CDH12: variants seen among roughly 807,000 people sequenced by gnomAD.
CDH12 encodes cadherin 12, also known as cadherin-12.
In CDH12, 41 loss-of-function variants were observed where a neutral mutation model predicts 74.1. The ratio of observed to expected loss-of-function variants is 0.55; its 90% confidence interval spans 0.43 to 0.72. The LOEUF is 0.72. Ranked by LOEUF, CDH12 falls within the 30% of genes least tolerant of loss-of-function variation. The pLI is 0.00. For synonymous variants in CDH12, 399 were observed against 355.0 expected, an observed-to-expected ratio of 1.12 and a Z score of -1.39; for missense variants, 945 against 977.2, an observed-to-expected ratio of 0.97 and a Z score of 0.44.
chr5:22,052,869 A>T (rs1333037100), intron 5 of CDH12, among the ~76,000 whole-genome samples: 1 of 152,104 alleles, frequency 6.6e-6, no homozygotes, highest in Non-Finnish European at 1.5e-5. Flanking sequence ...TTCCAAGAGG[A>T]TTTTCAGAGC....
chr5:22,657,898 A>C (rs1218009930), intron 1 of CDH12, among the ~76,000 whole-genome samples: 1 of 152,206 alleles, frequency 6.6e-6, no homozygotes, highest in Non-Finnish European at 1.5e-5. Flanking sequence ...TCTATTTAAA[A>C]GAGAGGACAT....
chr5:22,678,856 A>G (rs548473089), intron 1 of CDH12, among the ~76,000 whole-genome samples: 2 of 152,090 alleles, frequency 1.3e-5, no homozygotes, highest in Non-Finnish European at 2.9e-5. Context: ...TTGATTCTTA[A>G]TCACTTTGAA....
intron 5 of CDH12, among the ~76,000 whole-genome samples, chr5:22,035,766 T>G: frequency 6.7e-6 from 1 of 149,356 alleles, no homozygotes; most frequent in Admixed American, 6.7e-5. Context: ...CAGAGGAAGG[T>G]TTCCAAAATC....
At chr5:22,494,360 A>G (rs1747014830) in intron 2 of CDH12, among the ~76,000 whole-genome samples, 1 of 152,142 alleles carries the variant, frequency 6.6e-6, no homozygotes, top group Non-Finnish European at 1.5e-5. Flanking sequence ...CTACAATGGA[A>G]CAGTGCCCTG....
At chr5:22,305,446 G>A (rs928348470) in intron 3 of CDH12, among the ~76,000 whole-genome samples, 3 of 152,160 alleles carry the variant, frequency 2.0e-5, no homozygotes, top group African/African-American at 7.2e-5. Context: ...TAAAAGAAGA[G>A]AAAGAAACAA....
At chr5:22,372,389 C>T (rs1200453816) in intron 3 of CDH12, among the ~76,000 whole-genome samples, 2 of 152,078 alleles carry the variant, frequency 1.3e-5, no homozygotes. Flanking sequence ...GAGGGACCCC[C>T]GTGCTCCACA....
chr5:22,741,809 G>A (rs552627508), intron 1 of CDH12, among the ~76,000 whole-genome samples: 1 of 152,270 alleles, frequency 6.6e-6, no homozygotes, highest in South Asian at 2.1e-4. Flanking sequence ...CATTTGGGTT[G>A]GAATAGATAC....
At chr5:22,009,640 T>C (rs1284078651) in intron 5 of CDH12, among the ~76,000 whole-genome samples, 1 of 152,172 alleles carries the variant, frequency 6.6e-6, no homozygotes, top group African/African-American at 2.4e-5. Context: ...AAATAAATCA[T>C]TAATTTTGAC....
At chr5:22,105,553 C>T (rs537695254) in intron 4 of CDH12, among the ~76,000 whole-genome samples, 3 of 151,534 alleles carry the variant, frequency 2.0e-5, no homozygotes, top group South Asian at 4.2e-4. Context: ...CAAAACTTAG[C>T]CAGGTGTGGT....
intron 1 of CDH12, among the ~76,000 whole-genome samples, chr5:22,548,962 C>T (rs1738447190): frequency 6.6e-6 from 1 of 151,790 alleles, no homozygotes; most frequent in Non-Finnish European, 1.5e-5. Context: ...TTTTAAGTGA[C>T]AGGGTCTCGC....
chr5:21,817,913 C>T (rs986969589), intron 8 of CDH12, among the ~76,000 whole-genome samples: 5 of 151,794 alleles, frequency 3.3e-5, no homozygotes, highest in Non-Finnish European at 7.4e-5. Context: ...TTAGATAAAA[C>T]ATTTCAGAAT....
Position 22,746,529 on chromosome 5 carries a change from A to G in CDH12, c.-523+106529T>C, listed in dbSNP as rs368990598. On this transcript the variant is annotated intron_variant, in intron 1 of 14. Coordinates refer to ENST00000382254, the MANE Select transcript of CDH12 (RefSeq NM_004061.5). ...GATTGTTTGTGTTTGGAAAATGAAA[A>G]TCAACACCAAGAAAGAGTTAGACAT... Among the ~76,000 whole-genome samples, 6 of 152,196 alleles carry G rather than the reference A, an allele frequency of 3.9e-5. 1 individual carries two copies. The highest frequency in any genetic ancestry group is 1.4e-4 in the African/African-American group (6 of 41,454).
chr5:21,938,978 T>A (rs1755205371), intron 6 of CDH12, among the ~76,000 whole-genome samples: 1 of 150,808 alleles, frequency 6.6e-6, no homozygotes, highest in East Asian at 1.9e-4. Context: ...CAAAGATGTA[T>A]ATTGAAAGCT....
intron 3 of CDH12, among the ~76,000 whole-genome samples, chr5:22,291,612 T>A (rs374463457): frequency 6.6e-6 from 1 of 152,060 alleles, no homozygotes; most frequent in East Asian, 1.9e-4. Context: ...ACACTAGCTA[T>A]AAAAACATGA....
intron 3 of CDH12, among the ~76,000 whole-genome samples, chr5:22,226,561 A>G (rs542622320): frequency 1.3e-5 from 2 of 152,192 alleles, no homozygotes; most frequent in African/African-American, 4.8e-5. Context: ...TGATAACCTG[A>G]ATAAGCTTGG....
At chr5:22,842,077 T>C (rs1169070412) in intron 1 of CDH12, among the ~76,000 whole-genome samples, 2 of 152,150 alleles carry the variant, frequency 1.3e-5, no homozygotes, top group Non-Finnish European at 2.9e-5. Context: ...ACAGGTTATA[T>C]TTGAAAACTT....
rs990467293 is a variant in CDH12, at chr5:22,329,650, T to C, written c.-333+75607A>G. ...AGACAGTTAAGACTCACTGATGCCA[T>C]GCCTCTCTCATCCCCCAGCAGCGGC... On this transcript the variant is annotated intron_variant, in intron 3 of 14. Transcript: ENST00000382254. 5.9e-5 allele frequency among the ~76,000 whole-genome samples: 9 copies of C among 152,214 alleles called. No individual in the cohort carries two copies. The East Asian group carries it at 1.7e-3, about 29-fold the overall frequency.
At chr5:21,939,433 C>T (rs1755225915) in intron 6 of CDH12, among the ~76,000 whole-genome samples, 1 of 151,686 alleles carries the variant, frequency 6.6e-6, no homozygotes, top group Non-Finnish European at 1.5e-5. Flanking sequence ...AAAGGTTTTA[C>T]ATACATCAGG....
chr5:21,792,518 T>A (rs1746554608), intron 10 of CDH12, among the ~76,000 whole-genome samples: 1 of 151,310 alleles, frequency 6.6e-6, no homozygotes, highest in Admixed American at 6.6e-5. Flanking sequence ...GAAGAAGAAA[T>A]ATACCATAAT....
Sources: allele counts gnomAD v4.1 joint callset (sites outside exome capture counted in the v4.1 genomes callset), GRCh38; gene constraint gnomAD v4.1.1; transcripts MANE v1.5; gene names NCBI Gene and HGNC (gene_info 2026-07-23, HGNC 2026-07-21).